Variants in CLDN9 observed in about 807,000 individuals in gnomAD.
The protein encoded by CLDN9 is claudin 9.
In CLDN9, 14 loss-of-function variants were observed where a neutral mutation model predicts 10.1. The ratio of observed to expected loss-of-function variants is 1.38; its 90% CI spans 0.91 to 2.16. CLDN9 has a LOEUF of 2.16. Among genes scored for constraint, CLDN9 ranks in the 30% most tolerant of loss-of-function variants. The pLI is 0.00. For synonymous variants in CLDN9, 162 were observed against 143.1 expected (o/e 1.13, Z -0.95); for missense variants, 332 against 294.8 (o/e 1.13, Z -0.93).
chr16:3,014,134 AAAAGC>A lies in CLDN9; in HGVS notation c.*119_*123del. 24 of 1,196,756 alleles carry A rather than the reference AAAAGC, an allele frequency of 2.0e-5. No individual in the cohort carries two copies. The highest frequency in any genetic ancestry group is 1.0e-4 in the South Asian group (6 of 57,168). 74.1% of individuals were successfully genotyped at this position (1,196,756 alleles called of 1,614,324 possible). A position where few individuals can be genotyped will look rare whatever the true frequency, so the allele number is the denominator to read the frequency against. The stretch of plus-strand genomic sequence containing the variant: ...CCTTCCCCAGGAAAACCCACTTTCC[AAAAGC>A]CCAAGCTACACCTGGCTGCAGGGCT... On this transcript the variant is annotated 3_prime_UTR_variant, in exon 1 of 1. Coordinates refer to ENST00000445369, the MANE Select transcript of CLDN9 (RefSeq NM_020982.4).
rs749821372 is a variant in CLDN9, at chr16:3,013,925, C to T, written c.563C>T (p.Pro188Leu). 13 of 1,586,290 alleles carry T rather than the reference C, an allele frequency of 8.2e-6. No individual in the cohort carries two copies. The African/African-American group carries it at 1.5e-4, about 18-fold the overall frequency. Reference protein sequence around the residue: ...GGLLCCTCPPPQVERPRGPRL... With the variant: ...GGLLCCTCPPLQVERPRGPRL... ...CTCCTCTGCTGCACGTGCCCCCCGC[C>T]CCAGGTCGAGCGGCCCCGCGGACCT... is the stretch of plus-strand genomic sequence containing the variant. The change falls in exon 1 of 1, where the codon CCC (proline) becomes CTC (leucine). Residue 188 changes from proline to leucine, a missense_variant. Transcript: ENST00000445369. The surrounding 1 kb of genome is among the most constrained non-coding windows in gnomAD (Gnocchi z 6.4).
rs200382778 is a variant in CLDN9, at chr16:3,013,676, C to T, written c.314C>T (p.Thr105Ile). ...LLVAITGAQCTTCVEDEGAKA... is the reference protein window; with the variant it reads ...LLVAITGAQCITCVEDEGAKA... ...GTGGCCATCACAGGTGCCCAGTGTA[C>T]CACGTGTGTGGAGGACGAAGGTGCC... The change falls in exon 1 of 1, where the codon ACC (threonine) becomes ATC (isoleucine). Residue 105 changes from threonine to isoleucine, a missense_variant. By Grantham distance (89) the Thr-to-Ile change is moderately conservative. Transcript: ENST00000445369. The surrounding 1 kb of genome is among the most constrained non-coding windows in gnomAD (Gnocchi z 6.4). 41 of 1,613,820 alleles carry T rather than the reference C, an allele frequency of 2.5e-5. No individual in the cohort carries two copies. The highest frequency in any genetic ancestry group is 1.6e-4 in the Middle Eastern group (1 of 6,084).
rs773726356 is a variant in CLDN9 at position 3,013,882 on chromosome 16, C to T, written c.520C>T (p.Leu174Phe). ...CCTGGGCTGGGCGGCGGCTGCACTGCTTATGCTGGGCGGGGGGCTCCTCTG... is the reference window on the plus strand; with the variant it reads ...CCTGGGCTGGGCGGCGGCTGCACTGTTTATGCTGGGCGGGGGGCTCCTCTG... ...LYLGWAAAALLMLGGGLLCCT... is the reference protein window; with the variant it reads ...LYLGWAAAALFMLGGGLLCCT... The change falls in exon 1 of 1, where the codon CTT (leucine) becomes TTT (phenylalanine). Residue 174 changes from leucine (L) to phenylalanine (F), a missense_variant. Physicochemically the swap from Leu to Phe is conservative, Grantham distance 22 (BLOSUM62 0). Coordinates refer to ENST00000445369, the MANE Select transcript of CLDN9 (RefSeq NM_020982.4). The surrounding 1 kb of genome is among the most constrained non-coding windows in gnomAD (Gnocchi z 6.4). The T allele has an allele frequency of 1.4e-5, 23 of 1,611,260 alleles. No homozygotes were observed. In the South Asian group the frequency reaches 2.5e-4, roughly 18 times the overall value.
Position 3,013,207 on chromosome 16 carries a change from A to C in CLDN9, c.-156A>C. 1.3e-6 allele frequency: 1 copy of C among 797,388 alleles called. No homozygotes were observed. Among genetic ancestry groups the C allele is most frequent in the Admixed American group, 2.9e-5 (1 of 34,076 alleles). The allele number at this position is 797,388 out of a possible 1,614,324, so 49.4% of individuals were successfully genotyped here. A position where few individuals can be genotyped will look rare whatever the true frequency, so the allele number is the denominator to read the frequency against. On this transcript the variant is annotated 5_prime_UTR_variant, in exon 1 of 1. Transcript: ENST00000445369. The surrounding 1 kb of genome is among the most constrained non-coding windows in gnomAD (Gnocchi z 6.4). ...GCACGGAGAGGAGGCGCCTTTCAAG[A>C]GGCGCCTTTCATGGAACTGAGGACT...
At position 3,014,083 on chromosome 16, in the gene CLDN9, C is replaced by A; in HGVS notation, c.*67C>A. ...CGCCCTTTCGACCTTGGCCTGATGA[C>A]CAGATGCCCTGCTCCATCACAACCT... On this transcript the variant is annotated 3_prime_UTR_variant, in exon 1 of 1. Coordinates refer to ENST00000445369, the MANE Select transcript of CLDN9 (RefSeq NM_020982.4). 1 of 1,451,210 alleles carries A rather than the reference C, an allele frequency of 6.9e-7. No homozygotes were observed. Among genetic ancestry groups the A allele is most frequent in the Non-Finnish European group, 9.2e-7 (1 of 1,083,102 alleles). The allele number at this position is 1,451,210 out of a possible 1,614,324, so 89.9% of individuals were successfully genotyped here. A position where few individuals can be genotyped will look rare whatever the true frequency, so the allele number is the denominator to read the frequency against.
rs1243142893 is a variant in CLDN9 at position 3,014,083 on chromosome 16, C to T, written c.*67C>T. On this transcript the variant is annotated 3_prime_UTR_variant, in exon 1 of 1. Transcript: ENST00000445369. ...CGCCCTTTCGACCTTGGCCTGATGACCAGATGCCCTGCTCCATCACAACCT... is the reference window on the plus strand; with the variant it reads ...CGCCCTTTCGACCTTGGCCTGATGATCAGATGCCCTGCTCCATCACAACCT... 5.5e-6 allele frequency: 8 copies of T among 1,451,094 alleles called. No homozygotes were observed. Among genetic ancestry groups the T allele is most frequent in the Non-Finnish European group, 7.4e-6 (8 of 1,083,112 alleles). The allele number at this position is 1,451,094 out of a possible 1,614,324, so 89.9% of individuals were successfully genotyped here.
rs2072540327 is a variant in CLDN9, at chr16:3,013,292, C to G, written c.-71C>G. ...TCCTGCTGGACACAGAGACACCCAC[C>G]CAGCACACCAGACACACCCTCTGAG... is the stretch of plus-strand genomic sequence containing the variant. On this transcript the variant is annotated 5_prime_UTR_variant, in exon 1 of 1. Coordinates refer to ENST00000445369, the MANE Select transcript of CLDN9 (RefSeq NM_020982.4). This position sits in a 1 kb window ranked among gnomAD's most constrained non-coding sequence, Gnocchi z 6.4. 1.3e-6 allele frequency: 2 copies of G among 1,499,720 alleles called. No homozygotes were observed. The highest frequency in any genetic ancestry group is 2.7e-5 in the African/African-American group (2 of 72,878). 92.9% of individuals were successfully genotyped at this position (1,499,720 alleles called of 1,614,324 possible). A position where few individuals can be genotyped will look rare whatever the true frequency, so the allele number is the denominator to read the frequency against.
Position 3,013,692 on chromosome 16 carries a change from C to T in CLDN9, c.330C>T (p.Asp110=), listed in dbSNP as rs199855287. The T allele has an allele frequency of 2.1e-5, 34 of 1,613,732 alleles. No homozygotes were observed. Among genetic ancestry groups the T allele is most frequent in the South Asian group, 2.0e-4 (18 of 91,094 alleles). The part of the protein sequence containing the change: ...TGAQCTTCVE[D]EGAKARIVLT... ...CCCAGTGTACCACGTGTGTGGAGGA[C>T]GAAGGTGCCAAGGCCCGTATCGTGC... Residue 110 remains aspartate, a synonymous_variant, in exon 1 of 1, where the codon GAC becomes GAT. Transcript: ENST00000445369. The surrounding 1 kb of genome is among the most constrained non-coding windows in gnomAD (Gnocchi z 6.4).
rs935921895 is a variant in CLDN9, at chr16:3,013,010, G to A, written c.-353G>A. 20 of 282,760 alleles carry A rather than the reference G, an allele frequency of 7.1e-5. No individual in the cohort carries two copies. Among genetic ancestry groups the A allele is most frequent in the Middle Eastern group, 1.2e-3 (1 of 846 alleles). 17.5% of individuals were successfully genotyped at this position (282,760 alleles called of 1,614,324 possible). The stretch of plus-strand genomic sequence containing the variant: ...GTGGCTGTCCTCAGCCTGGCAGTGC[G>A]TCTGGAGGGCCTGTGCGAGCTCAGC... On this transcript the variant is annotated 5_prime_UTR_variant, in exon 1 of 1. Transcript: ENST00000445369. This position sits in a 1 kb window ranked among gnomAD's most constrained non-coding sequence, Gnocchi z 6.4.
chr16:3,014,010 C>T lies in CLDN9; in HGVS notation c.648C>T (p.Tyr216=), dbSNP rs535599935. 1.1e-5 allele frequency: 16 copies of T among 1,514,662 alleles called. No individual in the cohort carries two copies. Among genetic ancestry groups the T allele is most frequent in the South Asian group, 4.0e-5 (3 of 74,922 alleles). 93.8% of individuals were successfully genotyped at this position (1,514,662 alleles called of 1,614,324 possible). A position where few individuals can be genotyped will look rare whatever the true frequency, so the allele number is the denominator to read the frequency against. Residue 216 remains tyrosine (Y), a synonymous_variant, in exon 1 of 1, where the codon TAC becomes TAT. Coordinates refer to ENST00000445369, the MANE Select transcript of CLDN9 (RefSeq NM_020982.4). ...SGASGLDKRD[Y]V ...CATCTGGACTGGACAAGAGGGACTA[C>T]GTGTGAGGCGGAGGTTTCCCCTGGG...
chr16:3,013,140 G>C lies in CLDN9; in HGVS notation c.-223G>C, dbSNP rs1316949333. 1.7e-6 allele frequency: 1 copy of C among 589,502 alleles called. No individual in the cohort carries two copies. Among genetic ancestry groups the C allele is most frequent in the East Asian group, 2.8e-5 (1 of 35,186 alleles). The allele number at this position is 589,502 out of a possible 1,614,324, so 36.5% of individuals were successfully genotyped here. ...ACCACTCAGCCGAGCGGGACTACGA[G>C]TCTGCTTTGTGCTCCGCGAGGACCA... On this transcript the variant is annotated 5_prime_UTR_variant, in exon 1 of 1. Coordinates refer to ENST00000445369, the MANE Select transcript of CLDN9 (RefSeq NM_020982.4). The surrounding 1 kb of genome is among the most constrained non-coding windows in gnomAD (Gnocchi z 6.4).
chr16:3,014,163 C>A lies in CLDN9; in HGVS notation c.*147C>A, dbSNP rs11643248. 1 of 876,474 alleles carries A rather than the reference C, an allele frequency of 1.1e-6. No homozygotes were observed. The highest frequency in any genetic ancestry group is 1.7e-6 in the Non-Finnish European group (1 of 592,566). 54.3% of individuals were successfully genotyped at this position (876,474 alleles called of 1,614,324 possible). A position where few individuals can be genotyped will look rare whatever the true frequency, so the allele number is the denominator to read the frequency against. On this transcript the variant is annotated 3_prime_UTR_variant, in exon 1 of 1. Transcript: ENST00000445369. ...GCCCAAGCTACACCTGGCTGCAGGG[C>A]TGGGTCAGCTGGCCTGGCTGAGCTC...
At position 3,013,126 on chromosome 16, in the gene CLDN9, G is replaced by A. The variant is rs758341223; in HGVS notation, c.-237G>A. On this transcript the variant is annotated 5_prime_UTR_variant, in exon 1 of 1. Coordinates refer to ENST00000445369, the MANE Select transcript of CLDN9 (RefSeq NM_020982.4). The surrounding 1 kb of genome is among the most constrained non-coding windows in gnomAD (Gnocchi z 6.4). ...TCGAGGTGACACCCACCACTCAGCCGAGCGGGACTACGAGTCTGCTTTGTG... is the reference window on the plus strand; with the variant it reads ...TCGAGGTGACACCCACCACTCAGCCAAGCGGGACTACGAGTCTGCTTTGTG... 1.2e-5 allele frequency: 7 copies of A among 562,638 alleles called. No homozygotes were observed. The highest frequency in any genetic ancestry group is 4.5e-5 in the South Asian group (2 of 44,736). The allele number at this position is 562,638 out of a possible 1,614,324, so 34.9% of individuals were successfully genotyped here.
In CLDN9 at chr16:3,013,526, TGGTGCAGAGCAC is replaced by T; in HGVS notation, c.167_178del (p.Val56_Thr59del). On this transcript the variant is annotated inframe_deletion, in exon 1 of 1. Transcript: ENST00000445369. The surrounding 1 kb of genome is among the most constrained non-coding windows in gnomAD (Gnocchi z 6.4). ...TGGGAGGGCCTGTGGATGTCCTGCG[TGGTGCAGAGCAC>T]GGGCCAGATGCAGTGCAAGGTGTAC... 6.2e-7 allele frequency: 1 copy of T among 1,613,970 alleles called. No homozygotes were observed. Among genetic ancestry groups the T allele is most frequent in the Non-Finnish European group, 8.5e-7 (1 of 1,179,988 alleles).
chr16:3,013,351 C>A lies in CLDN9; in HGVS notation c.-12C>A. On this transcript the variant is annotated 5_prime_UTR_variant, in exon 1 of 1. Transcript: ENST00000445369. The surrounding 1 kb of genome is among the most constrained non-coding windows in gnomAD (Gnocchi z 6.4). ...GCCGCCTGGGGCTGAGAAGACCTAA[C>A]CGAGGGGCCAGATGGCTTCGACCGG... 2 of 1,602,860 alleles carry A rather than the reference C, an allele frequency of 1.2e-6. No homozygotes were observed. The highest frequency in any genetic ancestry group is 2.2e-5 in the South Asian group (2 of 90,462).
chr16:3,013,840 C>T lies in CLDN9; in HGVS notation c.478C>T (p.Leu160=). The change falls in exon 1 of 1, where the codon CTG becomes TTG. Residue 160 remains leucine, a synonymous_variant. Transcript: ENST00000445369. This position sits in a 1 kb window ranked among gnomAD's most constrained non-coding sequence, Gnocchi z 6.4. ...PLVAEALKRE[L]GASLYLGWAA... The stretch of plus-strand genomic sequence containing the variant: ...GGTGGCTGAGGCCCTCAAGCGGGAG[C>T]TGGGGGCCTCCCTCTACCTGGGCTG... The T allele has an allele frequency of 1.2e-6, 2 of 1,612,528 alleles. No individual in the cohort carries two copies. Among genetic ancestry groups the T allele is most frequent in the Non-Finnish European group, 1.7e-6 (2 of 1,179,776 alleles).
rs1228699446 is a variant in CLDN9 at position 3,014,203 on chromosome 16, C to A, written c.*187C>A. The A allele has an allele frequency of 2.8e-5, 17 of 616,166 alleles. No individual in the cohort carries two copies. The highest frequency in any genetic ancestry group is 4.3e-5 in the Non-Finnish European group (16 of 369,638). 38.2% of individuals were successfully genotyped at this position (616,166 alleles called of 1,614,324 possible). A position where few individuals can be genotyped will look rare whatever the true frequency, so the allele number is the denominator to read the frequency against. On this transcript the variant is annotated 3_prime_UTR_variant, in exon 1 of 1. Coordinates refer to ENST00000445369, the MANE Select transcript of CLDN9 (RefSeq NM_020982.4). The stretch of plus-strand genomic sequence containing the variant: ...TGGCTGAGCTCTTCTCAGTGGGGTC[C>A]CCTTTGATGTTCTCCCCCAAGTTGG...
chr16:3,014,148 C>T lies in CLDN9; in HGVS notation c.*132C>T, dbSNP rs1384341359. ...ACCCACTTTCCAAAAGCCCAAGCTA[C>T]ACCTGGCTGCAGGGCTGGGTCAGCT... On this transcript the variant is annotated 3_prime_UTR_variant, in exon 1 of 1. Transcript: ENST00000445369. 5 of 1,039,798 alleles carry T rather than the reference C, an allele frequency of 4.8e-6. No homozygotes were observed. The Admixed American group carries it at 9.3e-5, about 19-fold the overall frequency. The allele number at this position is 1,039,798 out of a possible 1,614,324, so 64.4% of individuals were successfully genotyped here. A position where few individuals can be genotyped will look rare whatever the true frequency, so the allele number is the denominator to read the frequency against.
At position 3,013,620 on chromosome 16, in the gene CLDN9, T is replaced by C. The variant is rs1478782577; in HGVS notation, c.258T>C (p.Ile86=). ...DLQAARALCV[I]ALLLALLGLL... ...AGGCCGCACGTGCCCTCTGTGTCAT[T>C]GCCCTCCTGCTGGCCCTGCTTGGCC... The change falls in exon 1 of 1, where the codon ATT becomes ATC. Residue 86 remains isoleucine (I), a synonymous_variant. Transcript: ENST00000445369. The surrounding 1 kb of genome is among the most constrained non-coding windows in gnomAD (Gnocchi z 6.4). 6.2e-7 allele frequency: 1 copy of C among 1,613,914 alleles called. No homozygotes were observed. The highest frequency in any genetic ancestry group is 8.5e-7 in the Non-Finnish European group (1 of 1,179,954).
Sources: allele counts gnomAD v4.1 joint callset, GRCh38; gene constraint gnomAD v4.1.1; non-coding constraint Gnocchi (gnomAD v3.1); transcripts MANE v1.5; gene names NCBI Gene and HGNC (gene_info 2026-07-23, HGNC 2026-07-21).